Variants in AKT3 observed in about 807,000 individuals in gnomAD.
AKT3 encodes the protein RAC-gamma serine/threonine-protein kinase.
In AKT3, 15 loss-of-function variants were observed where a neutral mutation model predicts 65.3. The ratio of observed to expected loss-of-function variants is 0.23; its 90% CI spans 0.15 to 0.35. The LOEUF (loss-of-function observed/expected upper bound fraction) is 0.35, where lower values mean the gene tolerates loss of function less well. AKT3 is among the 10% of genes least tolerant of loss of function. The pLI is 1.00. For synonymous variants in AKT3, 206 were observed against 183.8 expected (o/e 1.12, Z -0.98); for missense variants, 243 against 576.5 (o/e 0.42, Z 5.92).
At position 243,652,546 on chromosome 1, in the gene AKT3, G is replaced by A. The variant is rs545162835; in HGVS notation, c.285-6509C>T. Among the ~76,000 whole-genome samples, 5 of 151,904 alleles carry A rather than the reference G, an allele frequency of 3.3e-5. No homozygotes were observed. In the South Asian group the frequency reaches 1.0e-3, roughly 32 times the overall value. ...TATGAAGAAACTGCATCAACTAATG[G>A]TCAAACTAACCAGCTAGCATCATAA... is the stretch of plus-strand genomic sequence containing the variant. On this transcript the variant is annotated intron_variant, in intron 4 of 13. Coordinates refer to ENST00000673466, the MANE Select transcript of AKT3 (RefSeq NM_005465.7).
At chr1:243,772,891 C>CA (rs1690280575) in intron 2 of AKT3, among the ~76,000 whole-genome samples, 1 of 151,924 alleles carries the variant, frequency 6.6e-6, no homozygotes, top group South Asian at 2.1e-4. Context: ...TTTGTAGGGA[C>CA]ATGGATGAAG....
chr1:243,618,173 A>G (rs1425833000), intron 6 of AKT3, among the ~76,000 whole-genome samples: 6 of 152,094 alleles, frequency 3.9e-5, no homozygotes, highest in African/African-American at 9.7e-5. Context: ...AGACTTTTCT[A>G]CCCCCTAAAT....
At chr1:243,688,925 G>T (rs1357807128) in intron 3 of AKT3, among the ~76,000 whole-genome samples, 1 of 151,288 alleles carries the variant, frequency 6.6e-6, no homozygotes, top group Admixed American at 6.6e-5. Flanking sequence ...TCATTTGTTT[G>T]CTTATGTTGT....
chr1:243,674,384 A>G (rs550188544), intron 3 of AKT3, among the ~76,000 whole-genome samples: 3 of 152,210 alleles, frequency 2.0e-5, no homozygotes, highest in Non-Finnish European at 4.4e-5. Context: ...GGTCAACCAA[A>G]TACTAGGTAC....
At chr1:243,647,609 G>T (rs1680919051) in intron 4 of AKT3, among the ~76,000 whole-genome samples, 1 of 152,068 alleles carries the variant, frequency 6.6e-6, no homozygotes, top group African/African-American at 2.4e-5. Flanking sequence ...TATTGACTTT[G>T]TATACTGCAA....
intron 2 of AKT3, among the ~76,000 whole-genome samples, chr1:243,830,576 G>A (rs1027441441): frequency 6.6e-6 from 1 of 152,130 alleles, no homozygotes; most frequent in Admixed American, 6.5e-5. Flanking sequence ...AAGACCACCA[G>A]TGCTCAGAGC....
intron 2 of AKT3, among the ~76,000 whole-genome samples, chr1:243,833,585 C>T (rs111546203): frequency 0.032 from 4,835 of 152,008 alleles, 99 homozygotes; most frequent in Middle Eastern, 0.089. Context: ...GGTAGGGACA[C>T]GAAGCCTAAC....
chr1:243,652,282 T>C (rs1026580664), intron 4 of AKT3, among the ~76,000 whole-genome samples: 3 of 152,054 alleles, frequency 2.0e-5, no homozygotes, highest in African/African-American at 7.2e-5. Context: ...ACTCCTGACC[T>C]CAGGTGATCC....
In AKT3 at chr1:243,501,057, G is replaced by A. The variant is rs1452828516; in HGVS notation, c.*4192C>T. On this transcript the variant is annotated 3_prime_UTR_variant, in exon 14 of 14. Coordinates refer to ENST00000673466, the MANE Select transcript of AKT3 (RefSeq NM_005465.7). The stretch of plus-strand genomic sequence containing the variant: ...GTCAACCCCAGTGGTTTTGAGAGAA[G>A]AGCACATGTGAGAATGCCCTCAAAT... 2 of 230,524 alleles carry A rather than the reference G, an allele frequency of 8.7e-6. No homozygotes were observed. The highest frequency in any genetic ancestry group is 2.2e-5 in the African/African-American group (1 of 45,172). The allele number at this position is 230,524 out of a possible 1,614,324, so 14.3% of individuals were successfully genotyped here.
chr1:243,637,759 A>T lies in AKT3; in HGVS notation c.430-17T>A. 3 of 1,462,846 alleles carry T rather than the reference A, an allele frequency of 2.1e-6. No homozygotes were observed. Among genetic ancestry groups the T allele is most frequent in the Non-Finnish European group, 2.8e-6 (3 of 1,062,038 alleles). 90.6% of individuals were successfully genotyped at this position (1,462,846 alleles called of 1,614,324 possible). On this transcript the variant is annotated splice_polypyrimidine_tract_variant and intron_variant, in intron 5 of 13. Transcript: ENST00000673466. The stretch of plus-strand genomic sequence containing the variant: ...ATTCATTGTCTGAAAAATACAAATT[A>T]AAAAATATAATATGAAGTATTTGAT...
intron 2 of AKT3, among the ~76,000 whole-genome samples, chr1:243,774,397 T>C (rs1690414305): frequency 6.6e-6 from 1 of 152,184 alleles, no homozygotes; most frequent in Non-Finnish European, 1.5e-5. Flanking sequence ...AAATTGATCT[T>C]GGGCACAGAT....
chr1:243,746,971 G>A (rs1483867217), intron 2 of AKT3, among the ~76,000 whole-genome samples: 1 of 152,106 alleles, frequency 6.6e-6, no homozygotes, highest in Admixed American at 6.5e-5. Context: ...TCATCAAAAG[G>A]GGCTTTGGGA....
chr1:243,569,751 T>C (rs1674421629), intron 9 of AKT3, among the ~76,000 whole-genome samples: 1 of 152,232 alleles, frequency 6.6e-6, no homozygotes, highest in African/African-American at 2.4e-5. Context: ...TCCCATAAAC[T>C]AGCAAGAAAT....
At chr1:243,742,059 T>TAAA (rs36056068) in intron 2 of AKT3, among the ~76,000 whole-genome samples, 33 of 125,590 alleles carry the variant, frequency 2.6e-4, no homozygotes, top group East Asian at 6.7e-4. Flanking sequence ...GATAGAAAAT[T>TAAA]AAAAAAAAAA....
chr1:243,657,110 G>A (rs991630990), intron 4 of AKT3, among the ~76,000 whole-genome samples: 3 of 152,160 alleles, frequency 2.0e-5, no homozygotes, highest in African/African-American at 7.2e-5. Context: ...ATTAGGAAGT[G>A]GGCCTTCATG....
intron 2 of AKT3, among the ~76,000 whole-genome samples, chr1:243,809,852 C>G (rs1258731891): frequency 6.6e-6 from 1 of 152,066 alleles, no homozygotes; most frequent in East Asian, 1.9e-4. Flanking sequence ...CACAGTGCAA[C>G]CAAACTAGAA....
At chr1:243,585,140 CCA>C (rs956854694) in intron 8 of AKT3, among the ~76,000 whole-genome samples, 1 of 151,674 alleles carries the variant, frequency 6.6e-6, no homozygotes, top group African/African-American at 2.4e-5. Flanking sequence ...TTTACAATAG[CCA>C]CACACACAAA....
In AKT3 at chr1:243,768,600, G is replaced by A. The variant is rs1433201839; in HGVS notation, c.47-72884C>T. Reference sequence around the variant, plus strand: ...CGCCTGTAATCCCAGCACTTTGGGAGGCAGAGGTGGGCAGATCACAGGTCA... The same window carrying A: ...CGCCTGTAATCCCAGCACTTTGGGAAGCAGAGGTGGGCAGATCACAGGTCA... On this transcript the variant is annotated intron_variant, in intron 2 of 13. Transcript: ENST00000673466. 2.0e-5 allele frequency among the ~76,000 whole-genome samples: 3 copies of A among 152,146 alleles called. No individual in the cohort carries two copies. The South Asian group carries it at 6.2e-4, about 32-fold the overall frequency.
chr1:243,590,378 A>G (rs1265835808), intron 8 of AKT3, among the ~76,000 whole-genome samples: 1 of 152,202 alleles, frequency 6.6e-6, no homozygotes, highest in African/African-American at 2.4e-5. Flanking sequence ...TTATTTGTTC[A>G]TTATACCTCA....
Sources: gnomAD v4.1 joint callset for allele counts (sites outside exome capture counted in the v4.1 genomes callset) on GRCh38, gnomAD v4.1.1 for gene constraint, MANE v1.5 for transcripts, NCBI Gene and HGNC (gene_info 2026-07-23, HGNC 2026-07-21) for gene names.